THSD7B: variants seen among roughly 807,000 people sequenced by gnomAD.
The protein encoded by THSD7B is thrombospondin type 1 domain containing 7B.
A neutral mutation model predicts 213.6 loss-of-function variants in THSD7B; 138 were observed. That is an observed-to-expected ratio of 0.65 (90% confidence interval 0.56 to 0.74). The LOEUF (loss-of-function observed/expected upper bound fraction) is 0.74. Ranked by LOEUF, THSD7B falls within the 30% of genes least tolerant of loss-of-function variation. THSD7B has a pLI of 0.00. For missense variants in THSD7B, 1,931 were observed against 1,991.5 expected (o/e 0.97, Z 0.58); for synonymous variants, 742 against 687.0 (o/e 1.08, Z -1.25).
chr2:136,905,791 C>T (rs1223010519), intron 2 of THSD7B, among the ~76,000 whole-genome samples: 1 of 152,172 alleles, frequency 6.6e-6, no homozygotes, highest in Non-Finnish European at 1.5e-5. Flanking sequence ...ATTGAGGGAG[C>T]ATGTGGTCTC....
intron 12 of THSD7B, among the ~76,000 whole-genome samples, chr2:137,279,150 G>T (rs1682938009): frequency 6.6e-6 from 1 of 152,042 alleles, no homozygotes; most frequent in African/African-American, 2.4e-5. Context: ...AAAAATAATT[G>T]ACTCAAAGTG....
intron 15 of THSD7B, among the ~76,000 whole-genome samples, chr2:137,552,155 G>A (rs763001599): frequency 9.9e-5 from 15 of 152,112 alleles, no homozygotes; most frequent in African/African-American, 2.9e-4. Context: ...TGAAATTGTC[G>A]AATGCATCTC....
chr2:136,943,401 G>C (rs180897095), intron 2 of THSD7B, among the ~76,000 whole-genome samples: 2 of 152,176 alleles, frequency 1.3e-5, no homozygotes, highest in African/African-American at 4.8e-5. Context: ...CTCATAAAAT[G>C]AGTTAGGGAG....
intron 1 of THSD7B, among the ~76,000 whole-genome samples, chr2:136,811,058 C>T (rs1466486111): frequency 7.2e-5 from 11 of 152,058 alleles, no homozygotes; most frequent in African/African-American, 1.2e-4. Context: ...CCCTTGATGG[C>T]GGAGAGTCCT....
intron 1 of THSD7B, among the ~76,000 whole-genome samples, chr2:136,806,942 C>G (rs899742762): frequency 6.6e-6 from 1 of 152,056 alleles, no homozygotes; most frequent in African/African-American, 2.4e-5. Flanking sequence ...TTTATTTGGG[C>G]TTTACTCATA....
At chr2:136,809,132 G>A (rs931783528) in intron 1 of THSD7B, among the ~76,000 whole-genome samples, 3 of 152,120 alleles carry the variant, frequency 2.0e-5, no homozygotes, top group African/African-American at 7.2e-5. Flanking sequence ...ATAATGTAAT[G>A]AACTTTATAA....
intron 4 of THSD7B, among the ~76,000 whole-genome samples, chr2:137,102,967 G>A (rs1176528680): frequency 1.3e-5 from 2 of 152,086 alleles, no homozygotes; most frequent in African/African-American, 2.4e-5. Context: ...CACTCTTCAG[G>A]ATATTATCCA....
intron 2 of THSD7B, among the ~76,000 whole-genome samples, chr2:136,939,858 C>T (rs904401729): frequency 1.3e-5 from 2 of 152,096 alleles, no homozygotes; most frequent in African/African-American, 4.8e-5. Context: ...ACATCCTCAA[C>T]CTCCCTACCA....
chr2:137,020,246 G>T (rs1443847015), intron 2 of THSD7B, among the ~76,000 whole-genome samples: 2 of 152,066 alleles, frequency 1.3e-5, no homozygotes, highest in African/African-American at 4.8e-5. Flanking sequence ...AAAAGCAGAG[G>T]GGGTGATCCA....
intron 2 of THSD7B, among the ~76,000 whole-genome samples, chr2:137,040,574 T>C (rs1272942308): frequency 6.6e-6 from 1 of 152,068 alleles, no homozygotes; most frequent in Non-Finnish European, 1.5e-5. Flanking sequence ...TTTGTATTTT[T>C]AGTAGAGACG....
chr2:136,928,711 A>T (rs898329933), intron 2 of THSD7B, among the ~76,000 whole-genome samples: 1 of 152,230 alleles, frequency 6.6e-6, no homozygotes, highest in Non-Finnish European at 1.5e-5. Flanking sequence ...GAAGTCTAAC[A>T]TTAAAAGATT....
chr2:137,203,329 A>C (rs112991734), intron 7 of THSD7B, among the ~76,000 whole-genome samples: 2,184 of 152,196 alleles, frequency 0.014, 39 homozygotes, highest in African/African-American at 0.049. Flanking sequence ...TCCTTTCTTA[A>C]ATAGGACTAT....
At chr2:137,620,360 T>C (rs1292430144) in intron 19 of THSD7B, among the ~76,000 whole-genome samples, 1 of 152,222 alleles carries the variant, frequency 6.6e-6, no homozygotes, top group African/African-American at 2.4e-5. Context: ...ACGCCTCTGC[T>C]TTCCTGGCAG....
At chr2:137,017,686 A>G (rs1686368182) in intron 2 of THSD7B, among the ~76,000 whole-genome samples, 1 of 152,164 alleles carries the variant, frequency 6.6e-6, no homozygotes, top group African/African-American at 2.4e-5. Context: ...TGTCACTCAT[A>G]CAGGCTTCAT....
At chr2:136,814,561 G>T (rs956250417) in intron 1 of THSD7B, among the ~76,000 whole-genome samples, 9 of 152,118 alleles carry the variant, frequency 5.9e-5, no homozygotes, top group African/African-American at 2.2e-4. Flanking sequence ...ACCACGCCTG[G>T]CTAATTTTTT....
intron 1 of THSD7B, among the ~76,000 whole-genome samples, chr2:136,822,396 C>G (rs1212804158): frequency 6.6e-6 from 1 of 152,196 alleles, no homozygotes; most frequent in African/African-American, 2.4e-5. Flanking sequence ...CCTGCTGCTG[C>G]TGGTGTTGTG....
At chr2:136,793,868 A>T (rs544656483) in intron 1 of THSD7B, among the ~76,000 whole-genome samples, 1 of 151,730 alleles carries the variant, frequency 6.6e-6, no homozygotes, top group Admixed American at 6.6e-5. Flanking sequence ...TCTTCCTTAA[A>T]TGTTGGGAGG....
intron 2 of THSD7B, among the ~76,000 whole-genome samples, chr2:136,921,149 TC>T (rs1216449434): frequency 7.3e-6 from 1 of 136,538 alleles, no homozygotes; most frequent in Non-Finnish European, 1.5e-5. Context: ...TGGCTGTGCC[TC>T]CCCTGCTGCA....
rs765222524 is a variant in THSD7B at position 137,276,042 on chromosome 2, C to G, written c.2500+16C>G. ...CAAACAAGAGGTATGATGATTTTTA[C>G]ATAGTTTTTTTTTATTAATACGTAA... On this transcript the variant is annotated intron_variant, in intron 12 of 27. Coordinates refer to ENST00000409968, the MANE Select transcript of THSD7B (RefSeq NM_001316349.2). 1.3e-6 allele frequency: 2 copies of G among 1,588,922 alleles called. No homozygotes were observed. The highest frequency in any genetic ancestry group is 4.5e-5 in the East Asian group (2 of 44,510).
Sources: allele counts gnomAD v4.1 joint callset (sites outside exome capture counted in the v4.1 genomes callset), GRCh38; gene constraint gnomAD v4.1.1; transcripts MANE v1.5; gene names NCBI Gene and HGNC (gene_info 2026-07-23, HGNC 2026-07-21).